Variants in GRID1 observed in about 807,000 individuals in gnomAD.
The protein encoded by GRID1 is glutamate receptor ionotropic, delta-1.
In GRID1, 28 loss-of-function variants were observed where a neutral mutation model predicts 98.0. That is an observed-to-expected ratio of 0.29 (90% CI 0.21 to 0.39). GRID1 has a LOEUF of 0.39. Ranked by LOEUF, GRID1 falls within the 10% of genes least tolerant of loss-of-function variation. The probability of loss-of-function intolerance (pLI) is 1.00; values close to 1 mark genes in which losing one functional copy is unlikely to be tolerated. For synonymous variants in GRID1, 553 were observed against 538.5 expected, an observed-to-expected ratio of 1.03 and a Z score of -0.37; for missense variants, 1,111 against 1,340.5, an observed-to-expected ratio of 0.83 and a Z score of 2.67.
intron 13 of GRID1, among the ~76,000 whole-genome samples, chr10:85,637,356 A>G (rs1843057743): frequency 6.6e-6 from 1 of 152,206 alleles, no homozygotes; most frequent in Non-Finnish European, 1.5e-5. Flanking sequence ...AAAAGTTGAT[A>G]TGGACTGGGG....
At chr10:85,651,288 A>G (rs7899250) in intron 12 of GRID1, among the ~76,000 whole-genome samples, 88,451 of 152,084 alleles carry the variant, frequency 0.58, 27,707 homozygotes, top group African/African-American at 0.83. Context: ...AATGGTTGGA[A>G]CACTGTGCTC....
chr10:86,142,626 A>G (rs1589386150), intron 3 of GRID1, among the ~76,000 whole-genome samples: 2 of 152,238 alleles, frequency 1.3e-5, no homozygotes, highest in Admixed American at 1.3e-4. Flanking sequence ...AGCACCTTCT[A>G]AGGCCACTGC....
At chr10:85,843,875 G>T (rs913746909) in intron 8 of GRID1, among the ~76,000 whole-genome samples, 4 of 139,798 alleles carry the variant, frequency 2.9e-5, no homozygotes, top group Admixed American at 1.4e-4. Context: ...CAGTTTGGCT[G>T]TAATTTTTTT....
intron 4 of GRID1, among the ~76,000 whole-genome samples, chr10:85,969,540 A>C (rs1187290287): frequency 6.6e-6 from 1 of 152,180 alleles, no homozygotes; most frequent in Non-Finnish European, 1.5e-5. Flanking sequence ...ACTAGAAGGA[A>C]ATTTCGAAAA....
At chr10:85,785,723 C>G (rs944703128) in intron 8 of GRID1, among the ~76,000 whole-genome samples, 1 of 152,024 alleles carries the variant, frequency 6.6e-6, no homozygotes, top group Non-Finnish European at 1.5e-5. Flanking sequence ...TGGTTTACAC[C>G]CAACTTTACC....
rs568698766 is a variant in GRID1, at chr10:85,914,235, A to G, written c.780+1951T>C. ...AGGGTGGGTGGGGATTTGGAGAAAG[A>G]AAAGAAAACAGGTTAGGAATGTAAA... On this transcript the variant is annotated intron_variant, in intron 5 of 15. Transcript: ENST00000327946. 1.9e-3 allele frequency among the ~76,000 whole-genome samples: 284 copies of G among 152,336 alleles called. 1 individual carries two copies. Among genetic ancestry groups the G allele is most frequent in the African/African-American group, 5.5e-3 (228 of 41,582 alleles).
chr10:85,914,632 G>A lies in GRID1; in HGVS notation c.780+1554C>T, dbSNP rs141957707. On this transcript the variant is annotated intron_variant, in intron 5 of 15. Transcript: ENST00000327946. ...TGTGAATTCATGGAGGAAAATCTAC[G>A]AAAAGTGGACTTTGCAAGTAGTTAC... Among the ~76,000 whole-genome samples, 247 of 152,238 alleles carry A rather than the reference G, an allele frequency of 1.6e-3. 1 individual carries two copies. The highest frequency in any genetic ancestry group is 5.7e-3 in the African/African-American group (235 of 41,538).
intron 5 of GRID1, among the ~76,000 whole-genome samples, chr10:85,876,045 G>A (rs543789153): frequency 1.3e-5 from 2 of 152,304 alleles, no homozygotes; most frequent in South Asian, 4.1e-4. Context: ...ATAATTCTAA[G>A]TCGACTACTA....
intron 3 of GRID1, among the ~76,000 whole-genome samples, chr10:86,197,221 A>G (rs1845887497): frequency 6.6e-6 from 1 of 151,648 alleles, no homozygotes; most frequent in African/African-American, 2.4e-5. Flanking sequence ...ATTGAAGCAA[A>G]GCCCCGAAGG....
In GRID1 at chr10:86,069,366, C is replaced by T. The variant is rs76715170; in HGVS notation, c.726+69453G>A. Among the ~76,000 whole-genome samples the T allele has an allele frequency of 4.0e-3, 609 of 152,250 alleles. 4 individuals are homozygous for T. Among genetic ancestry groups the T allele is most frequent in the African/African-American group, 0.014 (577 of 41,548 alleles). ...GAGGGCTGCAGTCAAGAGTGCTTCC[C>T]GGCCAGGCACAGTGGCTCACGCCTG... On this transcript the variant is annotated intron_variant, in intron 4 of 15. Transcript: ENST00000327946.
At chr10:85,958,005 C>T (rs12267232) in intron 4 of GRID1, among the ~76,000 whole-genome samples, 120 of 152,272 alleles carry the variant, frequency 7.9e-4, no homozygotes, top group Middle Eastern at 3.4e-3. Context: ...CTAAGGGAGT[C>T]GGGAGATGTG....
chr10:86,160,168 G>C (rs1845301787), intron 3 of GRID1, among the ~76,000 whole-genome samples: 1 of 152,160 alleles, frequency 6.6e-6, no homozygotes, highest in African/African-American at 2.4e-5. Flanking sequence ...TCTACACAAA[G>C]GAGCCACCCA....
At chr10:85,688,299 C>A (rs529091608) in intron 12 of GRID1, among the ~76,000 whole-genome samples, 1 of 152,270 alleles carries the variant, frequency 6.6e-6, no homozygotes, top group African/African-American at 2.4e-5. Flanking sequence ...AACAGACTTT[C>A]TCTTGGGGAG....
chr10:85,613,434 G>T lies in GRID1; in HGVS notation c.2574C>A (p.Asn858Lys). The change falls in exon 15 of 16, where the codon AAC becomes AAA. Residue 858 changes from asparagine to lysine, a missense_variant. Asn to Lys is a moderately conservative substitution (Grantham distance 94). Transcript: ENST00000327946. ...VAALELWWNS[N>K]RCHQETPKED... ...CCTTGGGGGTCTCCTGGTGGCACCG[G>T]TTGCTGTTCCACCACAACTCCAGGG... The T allele has an allele frequency of 6.2e-7, 1 of 1,613,564 alleles. No homozygotes were observed. Among genetic ancestry groups the T allele is most frequent in the Non-Finnish European group, 8.5e-7 (1 of 1,179,966 alleles).
chr10:86,006,010 A>C (rs1842856231), intron 4 of GRID1, among the ~76,000 whole-genome samples: 1 of 152,236 alleles, frequency 6.6e-6, no homozygotes, highest in African/African-American at 2.4e-5. Context: ...TCTAAAATTT[A>C]CATGGAAGAA....
intron 4 of GRID1, among the ~76,000 whole-genome samples, chr10:86,082,413 G>A (rs151040422): frequency 1.4e-4 from 21 of 152,262 alleles, no homozygotes; most frequent in African/African-American, 5.1e-4. Flanking sequence ...GCAGAGCAGG[G>A]AGGGAGTTGG....
At chr10:86,257,224 A>G (rs979093137) in intron 2 of GRID1, among the ~76,000 whole-genome samples, 5 of 152,220 alleles carry the variant, frequency 3.3e-5, no homozygotes, top group African/African-American at 1.2e-4. Context: ...TGCTAGTGCA[A>G]TTAGGTGCAT....
chr10:85,737,668 ATATAT>A (rs1243483720), intron 8 of GRID1, among the ~76,000 whole-genome samples: 2 of 132,648 alleles, frequency 1.5e-5, no homozygotes, highest in African/African-American at 2.9e-5. Flanking sequence ...ATATATATAT[ATATAT>A]AAACATATAT....
At chr10:85,843,767 A>T (rs1842981677) in intron 8 of GRID1, among the ~76,000 whole-genome samples, 1 of 152,132 alleles carries the variant, frequency 6.6e-6, no homozygotes, top group Middle Eastern at 3.2e-3. Context: ...ATTATTAAAT[A>T]AAAAATAGTG....
Sources: allele counts gnomAD v4.1 joint callset (sites outside exome capture counted in the v4.1 genomes callset), GRCh38; gene constraint gnomAD v4.1.1; transcripts MANE v1.5; gene names NCBI Gene and HGNC (gene_info 2026-07-23, HGNC 2026-07-21).